The following PRRC2B variants were observed in gnomAD, a reference collection of about 807,000 sequenced individuals.
The protein encoded by PRRC2B is proline rich coiled-coil 2B, also known as protein PRRC2B.
In PRRC2B, 68 loss-of-function variants were observed where a neutral mutation model predicts 242.3. The ratio of observed to expected loss-of-function variants is 0.28; its 90% CI spans 0.23 to 0.34. The LOEUF is 0.34. Among genes scored for constraint, PRRC2B ranks in the 10% least tolerant of loss-of-function variants. The pLI is 1.00. For synonymous variants in PRRC2B, 1,228 were observed against 1,173.6 expected, an observed-to-expected ratio of 1.05 and a Z score of -0.95; for missense variants, 2,835 against 2,954.8, an observed-to-expected ratio of 0.96 and a Z score of 0.94.
In PRRC2B at chr9:131,494,271, C is replaced by A. The variant is rs1944271584; in HGVS notation, c.6474-134C>A. Reference sequence around the variant, plus strand: ...TGTGGTTGTTTTCCATCCAAGAGATCCACGGACCGTCCCGAGTGAGCGCCT... The same window carrying A: ...TGTGGTTGTTTTCCATCCAAGAGATACACGGACCGTCCCGAGTGAGCGCCT... On this transcript the variant is annotated intron_variant, in intron 30 of 31. Transcript: ENST00000683519. The surrounding 1 kb of genome is among the most constrained non-coding windows in gnomAD (Gnocchi z 4.3). The A allele has an allele frequency of 3.3e-6, 2 of 604,816 alleles. No homozygotes were observed. The highest frequency in any genetic ancestry group is 3.0e-6 in the Non-Finnish European group (1 of 338,192). The allele number at this position is 604,816 out of a possible 1,614,324, so 37.5% of individuals were successfully genotyped here. A position where few individuals can be genotyped will look rare whatever the true frequency, so the allele number is the denominator to read the frequency against.
intron 1 of PRRC2B, among the ~76,000 whole-genome samples, chr9:131,405,295 T>C (rs779010658): frequency 1.8e-4 from 27 of 152,140 alleles, no homozygotes; most frequent in Non-Finnish European, 2.5e-4. Context: ...AGGTCTAAGG[T>C]TGATTTTCTG....
chr9:131,473,450 G>T, intron 14 of PRRC2B, 58 bp from the exon 15 acceptor site: 1 of 1,365,420 alleles, frequency 7.3e-7, no homozygotes, highest in Non-Finnish European at 1.0e-6. Context: ...GGTTGACCCT[G>T]AGATTGGAGC....
chr9:131,408,912 T>G (rs536021058), intron 1 of PRRC2B, among the ~76,000 whole-genome samples: 19 of 151,690 alleles, frequency 1.3e-4, no homozygotes, highest in African/African-American at 4.6e-4. Context: ...AGAGACGAGG[T>G]TTCTCCATGT....
intron 1 of PRRC2B, among the ~76,000 whole-genome samples, chr9:131,380,008 T>G (rs1460692012): frequency 6.7e-6 from 1 of 148,652 alleles, no homozygotes; most frequent in Non-Finnish European, 1.5e-5. Flanking sequence ...TTTTTTTTTT[T>G]TTGAGATGGA....
intron 1 of PRRC2B, among the ~76,000 whole-genome samples, chr9:131,388,777 C>A (rs1464822021): frequency 6.7e-6 from 1 of 149,068 alleles, no homozygotes; most frequent in African/African-American, 2.4e-5. Flanking sequence ...CTCTTGACCT[C>A]GTGATCCGCC....
chr9:131,479,077 G>C (rs529208967), intron 18 of PRRC2B, among the ~76,000 whole-genome samples, 175 bp from the exon 19 acceptor site: 2 of 152,134 alleles, frequency 1.3e-5, no homozygotes, highest in African/African-American at 4.8e-5. Context: ...TCTTTCTTGG[G>C]GGGTGCTTTG....
intron 2 of PRRC2B, among the ~76,000 whole-genome samples, chr9:131,431,637 A>G (rs1202741169): frequency 2.7e-5 from 4 of 146,628 alleles, no homozygotes; most frequent in African/African-American, 1.0e-4. Context: ...GGCTGGATGG[A>G]GTGCAGTGGC....
chr9:131,455,632 C>T (rs1477375953), intron 10 of PRRC2B, among the ~76,000 whole-genome samples: 3 of 151,442 alleles, frequency 2.0e-5, no homozygotes, highest in East Asian at 3.9e-4. Context: ...TCTCCCACCC[C>T]AGCTTCCCAA....
At chr9:131,398,927 G>A (rs139868273) in intron 1 of PRRC2B, among the ~76,000 whole-genome samples, 18,786 of 152,084 alleles carry the variant, frequency 0.12, 1,236 homozygotes, top group African/African-American at 0.15. Context: ...GCAGTGAGCC[G>A]TGATCATGCC....
chr9:131,418,426 A>G (rs1837715341), intron 1 of PRRC2B, among the ~76,000 whole-genome samples: 1 of 151,982 alleles, frequency 6.6e-6, no homozygotes, highest in African/African-American at 2.4e-5. Context: ...TATTTGGGGG[A>G]TGATAGAACC....
At chr9:131,460,462 C>T (rs1208283493) in intron 11 of PRRC2B, among the ~76,000 whole-genome samples, 1 of 152,200 alleles carries the variant, frequency 6.6e-6, no homozygotes, top group South Asian at 2.1e-4. Context: ...CCTGACTTTT[C>T]TCATTTCATC....
chr9:131,455,013 C>T lies in PRRC2B; in HGVS notation c.1121-63C>T, dbSNP rs983199742. ...CTGGGATTACAGGCATGAGCCACCACGTCCGGCCACCACTGACTTTTTCAT... is the reference window on the plus strand; with the variant it reads ...CTGGGATTACAGGCATGAGCCACCATGTCCGGCCACCACTGACTTTTTCAT... On this transcript the variant is annotated intron_variant, in intron 9 of 31. Transcript: ENST00000683519. 17 of 1,306,198 alleles carry T rather than the reference C, an allele frequency of 1.3e-5. No individual in the cohort carries two copies. The East Asian group carries it at 2.0e-4, about 15-fold the overall frequency. 80.9% of individuals were successfully genotyped at this position (1,306,198 alleles called of 1,614,324 possible).
At chr9:131,454,940 T>G in intron 9 of PRRC2B, 136 bp from the exon 10 acceptor site, 5 of 634,012 alleles carry the variant, frequency 7.9e-6, no homozygotes, top group Non-Finnish European at 8.4e-6. Flanking sequence ...GTCAGTCTGG[T>G]CTCAAACTCC....
rs376735146 is a variant in PRRC2B at position 131,447,658 on chromosome 9, T to A, written c.978-4T>A. 1.4e-4 allele frequency: 221 copies of A among 1,585,580 alleles called. No individual in the cohort carries two copies. In the African/African-American group the frequency reaches 2.8e-3, roughly 20 times the overall value. ...CATGATTCCATCATCTTTTCTTTTATCAGAAAAGAAAACAGGCTGGGATTG... is the reference window on the plus strand; with the variant it reads ...CATGATTCCATCATCTTTTCTTTTAACAGAAAAGAAAACAGGCTGGGATTG... On this transcript the variant is annotated splice_region_variant and splice_polypyrimidine_tract_variant and intron_variant, in intron 8 of 31. Transcript: ENST00000683519.
chr9:131,472,166 T>C (rs898387228), intron 14 of PRRC2B, among the ~76,000 whole-genome samples: 1 of 152,210 alleles, frequency 6.6e-6, no homozygotes, highest in Non-Finnish European at 1.5e-5. Flanking sequence ...TTGTTCCAAT[T>C]TTTACTGTTA....
intron 1 of PRRC2B, among the ~76,000 whole-genome samples, chr9:131,377,366 G>C (rs1019215976): frequency 5.9e-5 from 9 of 152,160 alleles, no homozygotes; most frequent in Non-Finnish European, 1.3e-4. Context: ...GCGCGCCTCA[G>C]CCTCCCAAAG....
chr9:131,412,317 CA>C (rs1283677446), intron 1 of PRRC2B, among the ~76,000 whole-genome samples: 2 of 152,088 alleles, frequency 1.3e-5, no homozygotes, highest in African/African-American at 4.8e-5. Context: ...TTTGATTCAA[CA>C]TTTTTTTTGT....
intron 1 of PRRC2B, among the ~76,000 whole-genome samples, chr9:131,420,485 C>CTCTCTTTCTCTCTTTCT (rs1837792614): frequency 6.4e-5 from 1 of 15,746 alleles, no homozygotes; most frequent in Admixed American, 5.4e-4. Context: ...TTCTTTCTTT[C>CTCTCTTTCTCTCTTTCT]TTTCTTTCTT....
In PRRC2B at chr9:131,475,549, G is replaced by T. The variant is rs755554374; in HGVS notation, c.3420G>T (p.Glu1140Asp). Reference sequence around the variant, plus strand: ...GTGAGACCCATAGCGAGGGCTCAGAGTATGAAGAACTTCCCAAGCGCCGCC... The same window carrying T: ...GTGAGACCCATAGCGAGGGCTCAGATTATGAAGAACTTCCCAAGCGCCGCC... Reference protein sequence around the residue: ...VASETHSEGSEYEELPKRRRQ... With the variant: ...VASETHSEGSDYEELPKRRRQ... Residue 1140 changes from glutamate to aspartate, a missense_variant, in exon 16 of 32, where the codon GAG (glutamate) becomes GAT (aspartate). Glu to Asp is a conservative substitution (Grantham distance 45). Around this residue, in one of 7 missense-constraint regions of PRRC2B, gnomAD observed 1,536 missense variants for 1,483.1 expected, o/e 1.04. Transcript: ENST00000683519. 11 of 1,612,706 alleles carry T rather than the reference G, an allele frequency of 6.8e-6. No homozygotes were observed. The highest frequency in any genetic ancestry group is 6.7e-5 in the African/African-American group (5 of 74,942).
Sources: gnomAD v4.1 joint callset for allele counts (sites outside exome capture counted in the v4.1 genomes callset) on GRCh38, gnomAD v4.1.1 for gene constraint, gnomAD v4.1.1 regional missense constraint, Gnocchi (gnomAD v3.1) non-coding constraint, MANE v1.5 for transcripts, NCBI Gene and HGNC (gene_info 2026-07-23, HGNC 2026-07-21) for gene names.